CEP128: variants seen among roughly 807,000 people sequenced by gnomAD.
The protein encoded by CEP128 is centrosomal protein 128kDa.
Under a neutral mutation model 156.7 loss-of-function variants are expected in CEP128, and 132 were observed. The ratio of observed to expected loss-of-function variants is 0.84; its 90% CI spans 0.73 to 0.97. CEP128 has a LOEUF of 0.97. Ranked by LOEUF, CEP128 falls within the 50% of genes least tolerant of loss-of-function variation. The probability of loss-of-function intolerance (pLI) is 0.00; values close to 1 mark genes in which losing one functional copy is unlikely to be tolerated. For synonymous variants in CEP128, 469 were observed against 448.9 expected, an observed-to-expected ratio of 1.04 and a Z score of -0.57; for missense variants, 1,252 against 1,281.9, an observed-to-expected ratio of 0.98 and a Z score of 0.36.
At chr14:80,567,038 T>G (rs539042354) in intron 20 of CEP128, among the ~76,000 whole-genome samples, 2 of 152,162 alleles carry the variant, frequency 1.3e-5, no homozygotes, top group Non-Finnish European at 2.9e-5. Context: ...AAATCTCTGA[T>G]AGAACCAGAA....
chr14:80,584,936 C>A (rs537733423), intron 19 of CEP128, among the ~76,000 whole-genome samples: 1 of 152,326 alleles, frequency 6.6e-6, no homozygotes, highest in East Asian at 1.9e-4. Context: ...TTCGTGTTTT[C>A]TTTTATTACT....
intron 19 of CEP128, among the ~76,000 whole-genome samples, chr14:80,640,222 T>C (rs1894352433): frequency 6.6e-6 from 1 of 152,156 alleles, no homozygotes; most frequent in Non-Finnish European, 1.5e-5. Flanking sequence ...ATAAAATATG[T>C]CATTAGTGAT....
chr14:80,753,213 C>T (rs1002198960), intron 18 of CEP128, among the ~76,000 whole-genome samples: 1 of 152,078 alleles, frequency 6.6e-6, no homozygotes, highest in African/African-American at 2.4e-5. Context: ...GTGATAAGTG[C>T]TAAAGATGTA....
chr14:80,497,873 A>G (rs1190013566), intron 24 of CEP128, among the ~76,000 whole-genome samples: 4 of 152,230 alleles, frequency 2.6e-5, no homozygotes, highest in Non-Finnish European at 5.9e-5. Context: ...GTGCACGTGC[A>G]CACGCACACA....
chr14:80,954,985 T>C (rs1393842567), intron 2 of CEP128: 2 of 153,170 alleles, frequency 1.3e-5, no homozygotes, highest in Non-Finnish European at 1.5e-5. Context: ...AGGCGGCCGC[T>C]GCCAGTCGAC....
intron 13 of CEP128, among the ~76,000 whole-genome samples, chr14:80,827,132 T>C (rs1340638458): frequency 6.6e-6 from 1 of 152,204 alleles, no homozygotes; most frequent in Admixed American, 6.5e-5. Context: ...CAAAAACTAA[T>C]GCAATTAGTA....
chr14:80,544,669 A>C (rs1030696917), intron 21 of CEP128, among the ~76,000 whole-genome samples: 34 of 152,204 alleles, frequency 2.2e-4, no homozygotes, highest in African/African-American at 8.2e-4. Context: ...ATTATGTAAT[A>C]GTGATTATTT....
chr14:80,785,186 C>G lies in CEP128; in HGVS notation c.1920G>C (p.Leu640=). 1.9e-6 allele frequency: 3 copies of G among 1,614,200 alleles called. No individual in the cohort carries two copies. Among genetic ancestry groups the G allele is most frequent in the Non-Finnish European group, 2.5e-6 (3 of 1,180,020 alleles). The change falls in exon 15 of 25, where the codon CTG becomes CTC. Residue 640 remains leucine (L), a synonymous_variant. Coordinates refer to ENST00000555265, the MANE Select transcript of CEP128 (RefSeq NM_152446.5). Reference sequence around the variant, plus strand: ...TAGCAAGATCTGCTCGGATGGCACTCAGGTCCTTGATGGACTCTTGCATCT... The same window carrying G: ...TAGCAAGATCTGCTCGGATGGCACTGAGGTCCTTGATGGACTCTTGCATCT... ...LLEMQESIKD[L]SAIRADLANK...
At chr14:80,667,594 C>T (rs1442796370) in intron 19 of CEP128, among the ~76,000 whole-genome samples, 1 of 152,152 alleles carries the variant, frequency 6.6e-6, no homozygotes, top group Non-Finnish European at 1.5e-5. Context: ...TGCGGTGGCT[C>T]ACGCCTGTAA....
intron 13 of CEP128, among the ~76,000 whole-genome samples, chr14:80,815,378 C>T (rs1000094838): frequency 6.6e-6 from 1 of 152,122 alleles, no homozygotes; most frequent in Admixed American, 6.5e-5. Flanking sequence ...TCACCTTACA[C>T]CAGTCAGAAT....
chr14:80,735,584 T>A lies in CEP128; in HGVS notation c.2806+7491A>T, dbSNP rs192296995. On this transcript the variant is annotated intron_variant, in intron 19 of 24. Transcript: ENST00000555265. ...AGAGAACCTATTACAGATCTCTAAT[T>A]TCATTATTTTATTGGTATATTAGTT... is the stretch of plus-strand genomic sequence containing the variant. Among the ~76,000 whole-genome samples the A allele has an allele frequency of 1.4e-3, 206 of 152,264 alleles. 1 individual carries two copies. Among genetic ancestry groups the A allele is most frequent in the Middle Eastern group, 6.8e-3 (2 of 294 alleles).
intron 12 of CEP128, 37 bp from the exon 13 acceptor site, chr14:80,831,331 T>A (rs1184493314): frequency 6.2e-7 from 1 of 1,604,666 alleles, no homozygotes; most frequent in Admixed American, 1.7e-5. Context: ...GGGTTGTTCT[T>A]TATTCACAGA....
chr14:80,809,621 A>G (rs1183633032), intron 13 of CEP128, among the ~76,000 whole-genome samples: 1 of 152,202 alleles, frequency 6.6e-6, no homozygotes, highest in African/African-American at 2.4e-5. Flanking sequence ...CAAAGAGGAA[A>G]GCATCTAATC....
At chr14:80,888,389 C>G (rs1287881793) in intron 8 of CEP128, among the ~76,000 whole-genome samples, 1 of 152,184 alleles carries the variant, frequency 6.6e-6, no homozygotes, top group Non-Finnish European at 1.5e-5. Flanking sequence ...CAGTAAAATA[C>G]TGGCAAACCA....
At chr14:80,578,804 G>T (rs1289003514) in intron 20 of CEP128, among the ~76,000 whole-genome samples, 2 of 152,060 alleles carry the variant, frequency 1.3e-5, no homozygotes, top group Non-Finnish European at 2.9e-5. Context: ...CTGGACTCTT[G>T]TGCATTCCGA....
intron 19 of CEP128, among the ~76,000 whole-genome samples, chr14:80,703,481 A>C (rs1012503960): frequency 2.0e-5 from 3 of 152,024 alleles, no homozygotes; most frequent in Non-Finnish European, 4.4e-5. Context: ...AAATTTTAAA[A>C]ATCCAAAAGC....
intron 2 of CEP128, among the ~76,000 whole-genome samples, chr14:80,919,050 T>G (rs1036109972): frequency 2.0e-5 from 3 of 152,180 alleles, no homozygotes; most frequent in Non-Finnish European, 4.4e-5. Context: ...TGATTGAAGT[T>G]AAGAAATCAC....
chr14:80,915,145 G>A (rs1039302702), intron 3 of CEP128, among the ~76,000 whole-genome samples: 16 of 151,986 alleles, frequency 1.1e-4, no homozygotes, highest in Non-Finnish European at 2.9e-5. Context: ...TCAGCTTCCT[G>A]GGCTCAAGGA....
chr14:80,800,488 G>A (rs780740854), intron 13 of CEP128, among the ~76,000 whole-genome samples: 1 of 152,196 alleles, frequency 6.6e-6, no homozygotes, highest in Non-Finnish European at 1.5e-5. Context: ...TTTTGGCAGA[G>A]AAAGGACTAA....
Sources: allele counts gnomAD v4.1 joint callset (sites outside exome capture counted in the v4.1 genomes callset), GRCh38; gene constraint gnomAD v4.1.1; transcripts MANE v1.5; gene names NCBI Gene and HGNC (gene_info 2026-07-23, HGNC 2026-07-21).